The following ERC1 variants were observed in gnomAD, a reference collection of about 807,000 sequenced individuals.
ERC1 encodes the protein RAB6 interacting protein 2.
ERC1 carries 56 observed loss-of-function variants against 132.0 expected under a neutral mutation model. That is an observed-to-expected ratio of 0.42 (90% CI 0.34 to 0.53). The LOEUF (loss-of-function observed/expected upper bound fraction) is 0.53, where lower values mean the gene tolerates loss of function less well. Ranked by LOEUF, ERC1 falls within the 20% of genes least tolerant of loss-of-function variation. The probability of loss-of-function intolerance (pLI) is 0.03; values close to 1 mark genes in which losing one functional copy is unlikely to be tolerated. For missense variants in ERC1, 1,202 were observed against 1,349.9 expected (o/e 0.89, Z 1.72); for synonymous variants, 478 against 476.1 (o/e 1.00, Z -0.05).
chr12:1,128,072 C>T (rs1006588541), intron 7 of ERC1, among the ~76,000 whole-genome samples: 4 of 152,178 alleles, frequency 2.6e-5, no homozygotes, highest in African/African-American at 9.7e-5. Flanking sequence ...CATAACTGCT[C>T]TGAAGGGACA....
intron 7 of ERC1, among the ~76,000 whole-genome samples, chr12:1,138,642 A>T (rs1218779305): frequency 6.6e-6 from 1 of 152,046 alleles, no homozygotes; most frequent in East Asian, 1.9e-4. Flanking sequence ...AGGATATTAC[A>T]GGCATAGGAC....
At position 1,121,657 on chromosome 12, in the gene ERC1, C is replaced by G. The variant is rs1188303812; in HGVS notation, c.1569+5624C>G. 9.7e-4 allele frequency among the ~76,000 whole-genome samples: 13 copies of G among 13,448 alleles called. No individual in the cohort carries two copies. In the South Asian group the frequency reaches 0.039, roughly 41 times the overall value. The allele number at this position is 13,448 out of a possible 152,430, so 8.8% of individuals were successfully genotyped here. On this transcript the variant is annotated intron_variant, in intron 7 of 18. Transcript: ENST00000360905. ...AGGCTGATGATCTCTATCTCTATCT[C>G]TATCTCTATCTCTATCTCTATCTAT... is the stretch of plus-strand genomic sequence containing the variant.
intron 8 of ERC1, among the ~76,000 whole-genome samples, chr12:1,170,846 T>C (rs1244843038): frequency 1.3e-5 from 2 of 152,328 alleles, no homozygotes; most frequent in African/African-American, 2.4e-5. Flanking sequence ...TCTGAAAATA[T>C]ATTTTCTTAA....
At chr12:1,485,418 T>C (rs375518705) in intron 18 of ERC1, among the ~76,000 whole-genome samples, 6 of 151,998 alleles carry the variant, frequency 3.9e-5, no homozygotes, top group African/African-American at 7.3e-5. Context: ...TTGGCCAGGC[T>C]GGTCTTGAAC....
rs3216970 is a variant in ERC1 at position 1,180,253 on chromosome 12, A to ATGTGTGTG, written c.1738-264_1738-257dup. The stretch of plus-strand genomic sequence containing the variant: ...AGCTACTTTTCTTATTTTGTTAGGG[A>ATGTGTGTG]TGTGTGTGTGTGTGTGTGTGTGTGT... On this transcript the variant is annotated intron_variant, in intron 8 of 18. Transcript: ENST00000360905. Among the ~76,000 whole-genome samples the ATGTGTGTG allele has an allele frequency of 5.2e-3, 766 of 146,694 alleles. 7 individuals carry two copies. Among genetic ancestry groups the ATGTGTGTG allele is most frequent in the African/African-American group, 0.018 (720 of 40,064 alleles).
intron 17 of ERC1, among the ~76,000 whole-genome samples, chr12:1,416,867 AT>A (rs2092143341): frequency 2.6e-5 from 4 of 152,264 alleles, no homozygotes; most frequent in African/African-American, 9.6e-5. Context: ...TGCTCAGTTA[AT>A]GTTAGCTATT....
At chr12:1,061,929 TACTG>T (rs1938022509) in intron 2 of ERC1, among the ~76,000 whole-genome samples, 1 of 151,928 alleles carries the variant, frequency 6.6e-6, no homozygotes, top group Non-Finnish European at 1.5e-5. Flanking sequence ...CCCCTCTTTG[TACTG>T]CTTTTGCTGT....
chr12:1,485,063 G>GT (rs1205604651), intron 18 of ERC1, among the ~76,000 whole-genome samples: 1 of 144,572 alleles, frequency 6.9e-6, no homozygotes, highest in Non-Finnish European at 1.5e-5. Context: ...TTTTGTTTTA[G>GT]TTTTTTGTAG....
chr12:1,024,842 GAA>G (rs201143939), intron 1 of ERC1, among the ~76,000 whole-genome samples: 1 of 72,484 alleles, frequency 1.4e-5, no homozygotes, highest in South Asian at 4.2e-4. Flanking sequence ...AAAAAAAGTG[GAA>G]AAAAAAAAAA....
At chr12:1,358,980 C>G in intron 15 of ERC1, among the ~76,000 whole-genome samples, 1 of 152,184 alleles carries the variant, frequency 6.6e-6, no homozygotes, top group East Asian at 1.9e-4. Context: ...GAGTTTGCTT[C>G]ATTTTTTCAT....
At chr12:1,440,244 G>T (rs1298831606) in intron 17 of ERC1, among the ~76,000 whole-genome samples, 1 of 124,464 alleles carries the variant, frequency 8.0e-6, no homozygotes, top group African/African-American at 3.3e-5. Flanking sequence ...TTGCTCTGTC[G>T]CCCAGGCTGG....
chr12:1,423,130 G>A (rs1251998545), intron 17 of ERC1, among the ~76,000 whole-genome samples: 4 of 152,078 alleles, frequency 2.6e-5, no homozygotes, highest in African/African-American at 7.2e-5. Flanking sequence ...CCCTACCTAG[G>A]GGCTTTCCAA....
chr12:1,138,248 TATG>T (rs1328616746), intron 7 of ERC1, among the ~76,000 whole-genome samples: 1 of 132,266 alleles, frequency 7.6e-6, no homozygotes, highest in African/African-American at 2.8e-5. Context: ...AATTACAATA[TATG>T]ATATATATTA....
At chr12:1,486,474 G>T (rs1294278252) in intron 18 of ERC1, among the ~76,000 whole-genome samples, 1 of 151,940 alleles carries the variant, frequency 6.6e-6, no homozygotes, top group Non-Finnish European at 1.5e-5. Flanking sequence ...ACCCAGGCTG[G>T]AGTACAGTGG....
At chr12:1,018,926 G>C (rs987800627) in intron 1 of ERC1, among the ~76,000 whole-genome samples, 1 of 152,166 alleles carries the variant, frequency 6.6e-6, no homozygotes, top group Non-Finnish European at 1.5e-5. Flanking sequence ...ACTTAGTTTG[G>C]AAAAATGAGC....
chr12:1,486,206 C>A (rs73601974), intron 18 of ERC1, among the ~76,000 whole-genome samples: 6,432 of 152,268 alleles, frequency 0.042, 448 homozygotes, highest in African/African-American at 0.15. Context: ...AAATGTTAGA[C>A]TCCATTATCA....
chr12:1,236,642 T>G, intron 12 of ERC1, 127 bp from the exon 13 acceptor site: 1 of 888,302 alleles, frequency 1.1e-6, no homozygotes, highest in Non-Finnish European at 1.6e-6. Flanking sequence ...GTTGAAAAAT[T>G]TCGCAGCATG....
chr12:1,061,989 CT>C (rs896825718), intron 2 of ERC1, among the ~76,000 whole-genome samples: 2,291 of 117,310 alleles, frequency 0.02, 28 homozygotes, highest in African/African-American at 0.075. Context: ...TTCTTTTCTT[CT>C]TTTTTTTTTT....
intron 13 of ERC1, among the ~76,000 whole-genome samples, chr12:1,258,208 A>G (rs570639040): frequency 6.6e-6 from 1 of 152,194 alleles, no homozygotes; most frequent in Non-Finnish European, 1.5e-5. Context: ...TAATTTCCAG[A>G]TGCTTCAGAT....
Sources: gnomAD v4.1 joint callset for allele counts (sites outside exome capture counted in the v4.1 genomes callset) on GRCh38, gnomAD v4.1.1 for gene constraint, MANE v1.5 for transcripts, NCBI Gene and HGNC (gene_info 2026-07-23, HGNC 2026-07-21) for gene names.